Variants in ARHGAP6 observed in about 807,000 individuals in gnomAD.
The protein encoded by ARHGAP6 is Rho GTPase activating protein 6.
ARHGAP6 carries 16 observed loss-of-function variants against 55.7 expected under a neutral mutation model. The observed-to-expected ratio is 0.29, with a 90% CI of 0.19 to 0.44. The LOEUF (loss-of-function observed/expected upper bound fraction) is 0.44. Among genes scored for constraint, ARHGAP6 ranks in the 20% least tolerant of loss-of-function variants. The pLI is 1.00. For synonymous variants in ARHGAP6, 382 were observed against 360.9 expected, an observed-to-expected ratio of 1.06 and a Z score of -0.66; for missense variants, 698 against 808.9, an observed-to-expected ratio of 0.86 and a Z score of 1.66.
At chrX:11,506,959 G>A (rs909796567) in intron 1 of ARHGAP6, among the ~76,000 whole-genome samples, 2 of 111,674 alleles carry the variant, frequency 1.8e-5, no homozygotes, top group African/African-American at 6.5e-5. Context: ...ATCTCATTGC[G>A]GTTTTGATTT....
At chrX:11,659,261 T>C (rs2052670294) in intron 1 of ARHGAP6, among the ~76,000 whole-genome samples, 1 of 111,652 alleles carries the variant, frequency 9.0e-6, no homozygotes, top group Non-Finnish European at 1.9e-5. Context: ...TCCACTTGTT[T>C]TATGCTTCTA....
At chrX:11,523,630 C>G (rs191600143) in intron 1 of ARHGAP6, among the ~76,000 whole-genome samples, 1 of 111,814 alleles carries the variant, frequency 8.9e-6, no homozygotes, top group East Asian at 2.8e-4. Flanking sequence ...ATTGAATTCT[C>G]CTATGGAGTC....
intron 1 of ARHGAP6, among the ~76,000 whole-genome samples, chrX:11,496,991 C>A (rs1318389976): frequency 1.8e-5 from 2 of 111,360 alleles, no homozygotes; most frequent in Admixed American, 9.6e-5. Flanking sequence ...TCTTTTGGGG[C>A]CCATATTTGA....
chrX:11,466,307 C>T lies in ARHGAP6; in HGVS notation c.588+197934G>A, dbSNP rs1314559072. Among the ~76,000 whole-genome samples, 3 of 110,899 alleles carry T rather than the reference C, an allele frequency of 2.7e-5. 1 individual carries two copies. The highest frequency in any genetic ancestry group is 5.6e-4 in the East Asian group (2 of 3,553). On this transcript the variant is annotated intron_variant, in intron 1 of 12. Coordinates refer to ENST00000337414, the MANE Select transcript of ARHGAP6 (RefSeq NM_013427.3). ...ATTTGTGAGGGAAATATTAAAATGA[C>T]ACAAGTCTAAGCCTTTGAAATAAAC...
chrX:11,244,471 G>C (rs1172220429), intron 2 of ARHGAP6, among the ~76,000 whole-genome samples: 1 of 112,150 alleles, frequency 8.9e-6, no homozygotes, highest in African/African-American at 3.2e-5. Context: ...CATATGTAAA[G>C]CTCTAGTAAC....
At chrX:11,568,800 G>A (rs2051478867) in intron 1 of ARHGAP6, among the ~76,000 whole-genome samples, 1 of 109,805 alleles carries the variant, frequency 9.1e-6, no homozygotes, top group African/African-American at 3.3e-5. Flanking sequence ...AAATCAAAGT[G>A]TTACTGAGTC....
At chrX:11,182,202 C>T in intron 5 of ARHGAP6, 84 bp from the exon 6 acceptor site, 3 of 786,524 alleles carry the variant, frequency 3.8e-6, no homozygotes, top group South Asian at 2.4e-5. Flanking sequence ...AGAATGCCAG[C>T]ACAGTGCCGT....
At chrX:11,238,626 A>G (rs979144642) in intron 2 of ARHGAP6, among the ~76,000 whole-genome samples, 3 of 112,540 alleles carry the variant, frequency 2.7e-5, no homozygotes, top group African/African-American at 9.7e-5. Context: ...AAATGGAACC[A>G]GTGGAATGAG....
At chrX:11,491,198 C>T (rs1450474412) in intron 1 of ARHGAP6, among the ~76,000 whole-genome samples, 1 of 111,878 alleles carries the variant, frequency 8.9e-6, no homozygotes, top group East Asian at 2.8e-4. Flanking sequence ...ATCAAAAATT[C>T]TTTAATATAT....
At chrX:11,594,529 G>A (rs1265933820) in intron 1 of ARHGAP6, among the ~76,000 whole-genome samples, 1 of 111,292 alleles carries the variant, frequency 9.0e-6, no homozygotes, top group Non-Finnish European at 1.9e-5. Flanking sequence ...AGCAGGAGGT[G>A]AGCGTTGCGT....
intron 1 of ARHGAP6, among the ~76,000 whole-genome samples, chrX:11,336,425 C>T (rs2048638319): frequency 9.0e-6 from 1 of 111,715 alleles, no homozygotes; most frequent in African/African-American, 3.3e-5. Context: ...CTTTTCCTTT[C>T]TTTTCACATA....
At chrX:11,306,370 A>G (rs1333129371) in intron 1 of ARHGAP6, among the ~76,000 whole-genome samples, 1 of 112,766 alleles carries the variant, frequency 8.9e-6, no homozygotes, top group Non-Finnish European at 1.9e-5. Flanking sequence ...TTGGAAAAAT[A>G]CCTGGAAACT....
intron 1 of ARHGAP6, among the ~76,000 whole-genome samples, chrX:11,555,201 T>G (rs997229862): frequency 4.4e-5 from 5 of 112,373 alleles, no homozygotes; most frequent in Non-Finnish European, 9.4e-5. Flanking sequence ...TATGCCTATA[T>G]GCCATGCACT....
At chrX:11,380,393 C>T (rs1005493842) in intron 1 of ARHGAP6, among the ~76,000 whole-genome samples, 13 of 111,929 alleles carry the variant, frequency 1.2e-4, no homozygotes, top group East Asian at 5.6e-4. Context: ...TCCTAGTGTA[C>T]GCCAGACTTT....
intron 1 of ARHGAP6, among the ~76,000 whole-genome samples, chrX:11,462,337 C>A (rs922091037): frequency 1.8e-5 from 2 of 112,037 alleles, no homozygotes; most frequent in African/African-American, 6.5e-5. Flanking sequence ...CACGACAATG[C>A]CCTCTCCATC....
intron 1 of ARHGAP6, among the ~76,000 whole-genome samples, chrX:11,467,766 G>C (rs2050307849): frequency 9.0e-6 from 1 of 110,690 alleles, no homozygotes; most frequent in African/African-American, 3.3e-5. Context: ...AATCGCTTGA[G>C]CCCAGGAATT....
intron 12 of ARHGAP6, among the ~76,000 whole-genome samples, chrX:11,139,759 C>G (rs1007930796): frequency 2.7e-5 from 3 of 112,064 alleles, no homozygotes; most frequent in African/African-American, 9.7e-5. Flanking sequence ...TGCCTAGACT[C>G]TGACAGGTTA....
intron 2 of ARHGAP6, among the ~76,000 whole-genome samples, chrX:11,207,669 G>C: frequency 1.8e-5 from 2 of 111,922 alleles, no homozygotes; most frequent in Middle Eastern, 4.7e-3. Context: ...TTTTTGTTTT[G>C]CTTTTTACCT....
At chrX:11,496,282 T>C in intron 1 of ARHGAP6, among the ~76,000 whole-genome samples, 1 of 112,814 alleles carries the variant, frequency 8.9e-6, no homozygotes, top group South Asian at 3.7e-4. Flanking sequence ...CTTTCAATCA[T>C]GTACTCTGTT....
Sources: allele counts gnomAD v4.1 joint callset (sites outside exome capture counted in the v4.1 genomes callset), GRCh38; gene constraint gnomAD v4.1.1; transcripts MANE v1.5; gene names NCBI Gene and HGNC (gene_info 2026-07-23, HGNC 2026-07-21).